BBOF1: variants seen among roughly 807,000 people sequenced by gnomAD.
BBOF1 encodes basal body orientation factor 1, also known as basal body-orientation factor 1.
Under a neutral mutation model 68.0 loss-of-function variants are expected in BBOF1, and 62 were observed. The ratio of observed to expected loss-of-function variants is 0.91; its 90% CI spans 0.74 to 1.13. The LOEUF is 1.13. Among genes scored for constraint, BBOF1 ranks in the 50% most tolerant of loss-of-function variants. The pLI is 0.00. For missense variants in BBOF1, 534 were observed against 600.1 expected (o/e 0.89, Z 1.15); for synonymous variants, 208 against 198.8 (o/e 1.05, Z -0.39).
intron 9 of BBOF1, among the ~76,000 whole-genome samples, chr14:74,073,784 G>A (rs1259233434): frequency 1.3e-5 from 2 of 151,756 alleles, no homozygotes; most frequent in African/African-American, 4.8e-5. Context: ...TGGTTTTGGT[G>A]GCATGCGACT....
chr14:74,067,395 G>A, downstream of BBOF1: 1 of 1,613,434 alleles, frequency 6.2e-7, no homozygotes, highest in East Asian at 2.2e-5. Flanking sequence ...TTGACTCTCA[G>A]GTTTTTGGCA....
exon 10 of BBOF1, chr14:74,078,323 A>G: frequency 2.2e-6 from 1 of 452,340 alleles, no homozygotes; most frequent in Non-Finnish European, 4.4e-6. Flanking sequence ...ACAGTGGTGC[A>G]CGATCAATAT....
intron 1 of BBOF1, among the ~76,000 whole-genome samples, chr14:74,021,894 G>A (rs2140936934): frequency 6.6e-6 from 1 of 151,756 alleles, no homozygotes; most frequent in South Asian, 2.1e-4. Context: ...GTGAAAGAGT[G>A]AGACTCCGTC....
chr14:74,042,574 T>C (rs1351642131), intron 5 of BBOF1, among the ~76,000 whole-genome samples: 10 of 152,218 alleles, frequency 6.6e-5, no homozygotes, highest in South Asian at 2.1e-4. Flanking sequence ...CAGCTGTGTC[T>C]GTCCCTTTTA....
chr14:74,065,420 C>G lies in BBOF1; in HGVS notation c.*721C>G, dbSNP rs540417802. The G allele has an allele frequency of 6.7e-7, 1 of 1,501,480 alleles. No individual in the cohort carries two copies. The highest frequency in any genetic ancestry group is 1.1e-5 in the South Asian group (1 of 86,986). The allele number at this position is 1,501,480 out of a possible 1,614,324, so 93.0% of individuals were successfully genotyped here. ...CTTTTTGGATTCTGAGTATTTTATG[C>G]TTATTTGGTACTTTCACTTACTACA... On this transcript the variant is annotated 3_prime_UTR_variant, in exon 12 of 12. Transcript: ENST00000394009.
At chr14:74,022,812 A>T in intron 1 of BBOF1, 104 bp from the exon 2 acceptor site, 1 of 479,754 alleles carries the variant, frequency 2.1e-6, no homozygotes, top group Non-Finnish European at 3.5e-6. Context: ...CAAAACAAAT[A>T]AAAAAAGAGA....
chr14:74,039,310 T>C (rs1269954141), intron 4 of BBOF1, among the ~76,000 whole-genome samples: 1 of 152,226 alleles, frequency 6.6e-6, no homozygotes, highest in Non-Finnish European at 1.5e-5. Context: ...ATTGGGTAGA[T>C]ATATCTTAAT....
At position 74,030,727 on chromosome 14, in the gene BBOF1, G is replaced by A. The variant is rs566518323; in HGVS notation, c.351+1478G>A. 3.3e-5 allele frequency among the ~76,000 whole-genome samples: 5 copies of A among 152,078 alleles called. No homozygotes were observed. The South Asian group carries it at 1.0e-3, about 32-fold the overall frequency. On this transcript the variant is annotated intron_variant, in intron 3 of 11. Transcript: ENST00000394009. ...AGCCAGGATGGTCTCTCGATCTCCT[G>A]ACCTCATGATCCGCCCGCCTTGGCC...
chr14:74,024,826 C>T (rs2059388965), intron 2 of BBOF1, among the ~76,000 whole-genome samples: 1 of 152,122 alleles, frequency 6.6e-6, no homozygotes, highest in Admixed American at 6.6e-5. Flanking sequence ...TAGCCTCGAA[C>T]TCCTGGGCTC....
chr14:74,036,788 A>T (rs980984351), intron 4 of BBOF1, among the ~76,000 whole-genome samples: 3 of 151,854 alleles, frequency 2.0e-5, no homozygotes, highest in African/African-American at 7.2e-5. Context: ...ATCTGGGAAC[A>T]TTATTATCTC....
At chr14:74,040,127 G>C (rs1243814179) in intron 4 of BBOF1, among the ~76,000 whole-genome samples, 1 of 151,986 alleles carries the variant, frequency 6.6e-6, no homozygotes, top group Non-Finnish European at 1.5e-5. Context: ...GGAGTAGCTG[G>C]AACTACAGGT....
rs898024749 is a variant in BBOF1, at chr14:74,079,873, C to T, written n.1537-1194C>T. 1.2e-4 allele frequency among the ~76,000 whole-genome samples: 18 copies of T among 151,988 alleles called. 1 individual carries two copies. Among genetic ancestry groups the T allele is most frequent in the South Asian group, 6.2e-4 (3 of 4,820 alleles). ...TGTGAGCCACGACATGTGACCTCTA[C>T]GGATAATTTTAAAAATTAGTTGGGC... On this transcript the variant is annotated intron_variant and non_coding_transcript_variant, in intron 10 of 12. Coordinates refer to the BBOF1 transcript ENST00000492026.
At chr14:74,079,907 G>A (rs1370405630) in intron 10 of BBOF1, among the ~76,000 whole-genome samples, 1 of 152,092 alleles carries the variant, frequency 6.6e-6, no homozygotes, top group Non-Finnish European at 1.5e-5. Flanking sequence ...GCATGGTCAT[G>A]TGCACCTGTG....
chr14:74,068,860 C>A, downstream of BBOF1: 1 of 1,613,888 alleles, frequency 6.2e-7, no homozygotes, highest in Non-Finnish European at 8.5e-7. Flanking sequence ...AAGAAGTCAC[C>A]ATATTGGCTT....
chr14:74,082,198 C>A (rs1031177492), intron 12 of BBOF1, among the ~76,000 whole-genome samples: 1 of 152,094 alleles, frequency 6.6e-6, no homozygotes, highest in Non-Finnish European at 1.5e-5. Flanking sequence ...GAGCGAGACC[C>A]TGTCTCGAAC....
intron 5 of BBOF1, 25 bp from the exon 6 acceptor site, chr14:74,046,035 T>G: frequency 6.3e-7 from 1 of 1,581,240 alleles, no homozygotes; most frequent in Non-Finnish European, 8.6e-7. Context: ...GCATAATTAT[T>G]TAAGCAGCCC....
chr14:74,066,994 CT>C (rs1438799800), downstream of BBOF1: 5 of 1,061,084 alleles, frequency 4.7e-6, no homozygotes, highest in African/African-American at 7.8e-5. Context: ...GGCAGGAGGA[CT>C]GCTTGAGCCC....
intron 9 of BBOF1, chr14:74,074,822 A>G: frequency 1.1e-6 from 1 of 899,472 alleles, no homozygotes; most frequent in Non-Finnish European, 1.8e-6. Flanking sequence ...TCAGGAGGGA[A>G]ATAATCCAAA....
intron 10 of BBOF1, among the ~76,000 whole-genome samples, chr14:74,080,018 A>C (rs1321983595): frequency 6.6e-6 from 1 of 152,098 alleles, no homozygotes; most frequent in Admixed American, 6.6e-5. Flanking sequence ...AGCCTGGGTG[A>C]CAGAGCGAGA....
Sources: allele counts gnomAD v4.1 joint callset (sites outside exome capture counted in the v4.1 genomes callset), GRCh38; gene constraint gnomAD v4.1.1; transcripts MANE v1.5; gene names NCBI Gene and HGNC (gene_info 2026-07-23, HGNC 2026-07-21).